The following FHOD3 variants were observed in gnomAD, a reference collection of about 807,000 sequenced individuals.
FHOD3 encodes formin homology 2 domain containing 3, also known as FH1/FH2 domain-containing protein 3.
Under a neutral mutation model 173.0 loss-of-function variants are expected in FHOD3, and 90 were observed. That is an observed-to-expected ratio of 0.52 (90% confidence interval 0.44 to 0.62). FHOD3 has a LOEUF of 0.62. Among genes scored for constraint, FHOD3 ranks in the 20% least tolerant of loss-of-function variants. The pLI is 0.00. For synonymous variants in FHOD3, 828 were observed against 823.0 expected, an observed-to-expected ratio of 1.01 and a Z score of -0.10; for missense variants, 1,945 against 2,034.7, an observed-to-expected ratio of 0.96 and a Z score of 0.85.
chr18:36,684,247 C>T (rs1432036818), intron 15 of FHOD3, among the ~76,000 whole-genome samples: 1 of 152,134 alleles, frequency 6.6e-6, no homozygotes, highest in Middle Eastern at 3.2e-3. Flanking sequence ...AATCAAGATT[C>T]TTTGTAGAAT....
At chr18:36,515,209 C>A (rs1002649718) in intron 5 of FHOD3, among the ~76,000 whole-genome samples, 2 of 151,992 alleles carry the variant, frequency 1.3e-5, no homozygotes, top group Admixed American at 1.3e-4. Context: ...AGCTTACAGC[C>A]GTTTATTTTA....
At position 36,682,004 on chromosome 18, in the gene FHOD3, G is replaced by T. The variant is rs77208977; in HGVS notation, c.1970+434G>T. 4.2e-3 allele frequency among the ~76,000 whole-genome samples: 640 copies of T among 152,130 alleles called. 8 individuals carry two copies. The highest frequency in any genetic ancestry group is 0.015 in the African/African-American group (605 of 41,506). On this transcript the variant is annotated intron_variant, in intron 15 of 28. Coordinates refer to ENST00000590592, the MANE Select transcript of FHOD3 (RefSeq NM_001281740.3). Reference sequence around the variant, plus strand: ...CCTGTAACAATCTTCAATATTTTTTGTAAACAATAATCTCTTGCTATGTGG... The same window carrying T: ...CCTGTAACAATCTTCAATATTTTTTTTAAACAATAATCTCTTGCTATGTGG...
At chr18:36,428,681 T>G (rs1289617011) in intron 3 of FHOD3, among the ~76,000 whole-genome samples, 2 of 152,220 alleles carry the variant, frequency 1.3e-5, no homozygotes, top group Admixed American at 1.3e-4. Context: ...CTTGACTTTC[T>G]CTGCTGACTG....
chr18:36,664,023 G>A (rs1190278286), intron 14 of FHOD3, among the ~76,000 whole-genome samples: 1 of 151,920 alleles, frequency 6.6e-6, no homozygotes, highest in Non-Finnish European at 1.5e-5. Flanking sequence ...ATGTGATCTG[G>A]GTGTTTTGCT....
At chr18:36,430,396 A>G (rs2050466950) in intron 3 of FHOD3, among the ~76,000 whole-genome samples, 3 of 152,114 alleles carry the variant, frequency 2.0e-5, no homozygotes, top group Non-Finnish European at 2.9e-5. Flanking sequence ...TTGTATTTTT[A>G]GTAGAGATGG....
intron 4 of FHOD3, among the ~76,000 whole-genome samples, chr18:36,510,841 T>A (rs1433594166): frequency 6.6e-6 from 1 of 152,196 alleles, no homozygotes; most frequent in Non-Finnish European, 1.5e-5. Context: ...CACAGCTGTC[T>A]TTCATTACGT....
intron 16 of FHOD3, among the ~76,000 whole-genome samples, chr18:36,690,364 TG>T (rs2038884284): frequency 2.6e-5 from 4 of 152,160 alleles, no homozygotes; most frequent in Non-Finnish European, 5.9e-5. Flanking sequence ...GAAAGCCCGG[TG>T]CTTCCCACAG....
rs565527786 is a variant in FHOD3, at chr18:36,735,326, C to T, written c.3576+4522C>T. On this transcript the variant is annotated intron_variant, in intron 20 of 28. Transcript: ENST00000590592. ...AGGTGCTGGATACACACAGAGGAAC[C>T]TGACCACAGAGAGTCACAGTTGACT... 3.3e-5 allele frequency among the ~76,000 whole-genome samples: 5 copies of T among 152,360 alleles called. No individual in the cohort carries two copies. In the East Asian group the frequency reaches 9.6e-4, roughly 29 times the overall value.
At position 36,650,746 on chromosome 18, in the gene FHOD3, A is replaced by T. The variant is rs2035992452; in HGVS notation, c.1286+1341A>T. On this transcript the variant is annotated intron_variant, in intron 11 of 28. Transcript: ENST00000590592. ...AACCCTTAAACCCTCAGGTATGCACATGCTTCTGCACCTTCAGACCAGATG... is the reference window on the plus strand; with the variant it reads ...AACCCTTAAACCCTCAGGTATGCACTTGCTTCTGCACCTTCAGACCAGATG... 2.0e-5 allele frequency among the ~76,000 whole-genome samples: 3 copies of T among 152,338 alleles called. No individual in the cohort carries two copies. In the East Asian group the frequency reaches 5.8e-4, roughly 29 times the overall value.
intron 11 of FHOD3, among the ~76,000 whole-genome samples, chr18:36,649,941 CAT>C (rs1347783012): frequency 6.6e-6 from 1 of 152,206 alleles, no homozygotes; most frequent in Non-Finnish European, 1.5e-5. Flanking sequence ...AGACAACTAA[CAT>C]ATAACTCTAT....
intron 20 of FHOD3, among the ~76,000 whole-genome samples, chr18:36,736,133 AG>A (rs1390573290): frequency 6.6e-6 from 1 of 152,204 alleles, no homozygotes; most frequent in Non-Finnish European, 1.5e-5. Context: ...GGGAGCACAC[AG>A]GTGAGTGAGT....
intron 3 of FHOD3, among the ~76,000 whole-genome samples, chr18:36,477,907 G>A (rs1268510742): frequency 6.6e-6 from 1 of 152,202 alleles, no homozygotes; most frequent in African/African-American, 2.4e-5. Flanking sequence ...AAGAACCACG[G>A]CATGCAGTGC....
At chr18:36,523,492 G>A (rs1303195759) in intron 5 of FHOD3, among the ~76,000 whole-genome samples, 5 of 152,198 alleles carry the variant, frequency 3.3e-5, no homozygotes, top group Admixed American at 1.3e-4. Flanking sequence ...AGGAAAGAGC[G>A]CCACAGCTGA....
chr18:36,718,649 T>C lies in FHOD3; in HGVS notation c.3351T>C (p.Ile1117=), dbSNP rs2040595426. ...TCCTGTGGTCAAAACTGGAACCCAT[T>C]AAGGTGGACACTTCCAGACTGGAGC... ...REFLWSKLEP[I]KVDTSRLEHL... is the part of the protein sequence containing the mutation. Residue 1117 remains isoleucine (I), a synonymous_variant, in exon 19 of 29, where the codon ATT becomes ATC. Coordinates refer to ENST00000590592, the MANE Select transcript of FHOD3 (RefSeq NM_001281740.3). The C allele has an allele frequency of 6.2e-7, 1 of 1,614,032 alleles. No homozygotes were observed. The highest frequency in any genetic ancestry group is 1.7e-5 in the Admixed American group (1 of 60,010).
rs535160398 is a variant in FHOD3 at position 36,642,961 on chromosome 18, A to C, written c.1197-6355A>C. Among the ~76,000 whole-genome samples the C allele has an allele frequency of 1.4e-4, 21 of 151,634 alleles. No homozygotes were observed. In the East Asian group the frequency reaches 4.1e-3, roughly 29 times the overall value. On this transcript the variant is annotated intron_variant, in intron 10 of 28. Coordinates refer to ENST00000590592, the MANE Select transcript of FHOD3 (RefSeq NM_001281740.3). ...TTTTAAAGTATTACACACATATGACACATTAGTTTATATAATTCTGATTTT... is the reference window on the plus strand; with the variant it reads ...TTTTAAAGTATTACACACATATGACCCATTAGTTTATATAATTCTGATTTT...
Position 36,335,805 on chromosome 18 carries a change from G to A in FHOD3, c.166-19734G>A, listed in dbSNP as rs538364732. On this transcript the variant is annotated intron_variant, in intron 1 of 28. Transcript: ENST00000590592. ...GGTGCCCCTGTGCTGTGCTCCTCAC[G>A]TGCCTCTGTTGCTAGACAGGGGTGG... Among the ~76,000 whole-genome samples, 9 of 152,210 alleles carry A rather than the reference G, an allele frequency of 5.9e-5. No homozygotes were observed. The East Asian group carries it at 7.7e-4, about 13-fold the overall frequency.
At chr18:36,391,594 A>T (rs1407519457) in intron 3 of FHOD3, among the ~76,000 whole-genome samples, 2 of 152,274 alleles carry the variant, frequency 1.3e-5, no homozygotes, top group African/African-American at 4.8e-5. Flanking sequence ...TTGTAACCAG[A>T]CATGCCTGGC....
intron 9 of FHOD3, among the ~76,000 whole-genome samples, chr18:36,619,333 G>A (rs1338860663): frequency 2.6e-5 from 4 of 152,142 alleles, no homozygotes; most frequent in Admixed American, 1.3e-4. Context: ...CACATGAAAT[G>A]CAACCAGCCC....
chr18:36,379,744 ACTTTC>A (rs1452691191), intron 3 of FHOD3, among the ~76,000 whole-genome samples: 2 of 152,320 alleles, frequency 1.3e-5, no homozygotes, highest in South Asian at 2.1e-4. Context: ...CTGCATAAAT[ACTTTC>A]CTTTCACAAG....
Sources: allele counts gnomAD v4.1 joint callset (sites outside exome capture counted in the v4.1 genomes callset), GRCh38; gene constraint gnomAD v4.1.1; transcripts MANE v1.5; gene names NCBI Gene and HGNC (gene_info 2026-07-23, HGNC 2026-07-21).